CBL: variants seen among roughly 807,000 people sequenced by gnomAD.
CBL encodes Cbl proto-oncogene, also known as E3 ubiquitin-protein ligase CBL.
Under a neutral mutation model 96.9 loss-of-function variants are expected in CBL, and 45 were observed. The ratio of observed to expected loss-of-function variants is 0.46; its 90% CI spans 0.37 to 0.60. CBL has a LOEUF of 0.60. CBL is among the 20% of genes least tolerant of loss of function. The pLI is 0.00. For synonymous variants in CBL, 420 were observed against 426.8 expected (o/e 0.98, Z 0.20); for missense variants, 1,024 against 1,143.5 (o/e 0.90, Z 1.51).
intron 2 of CBL, among the ~76,000 whole-genome samples, chr11:119,248,751 T>A (rs1349586178): frequency 6.6e-6 from 1 of 152,124 alleles, no homozygotes. Context: ...TGATAAGGGA[T>A]CAACATCCAG....
intron 11 of CBL, among the ~76,000 whole-genome samples, chr11:119,286,206 A>G (rs2135311573): frequency 6.6e-6 from 1 of 152,284 alleles, no homozygotes; most frequent in Non-Finnish European, 1.5e-5. Flanking sequence ...AGGCTGAGGC[A>G]GGAGATTCAT....
chr11:119,269,502 GC>G (rs765046454), intron 2 of CBL, among the ~76,000 whole-genome samples: 2 of 151,622 alleles, frequency 1.3e-5, no homozygotes, highest in Non-Finnish European at 2.9e-5. Flanking sequence ...ACCGCACCCG[GC>G]CAAAAAAAGA....
In CBL at chr11:119,304,940, T is replaced by TA. The variant is rs951213969; in HGVS notation, c.*5167dup. The stretch of plus-strand genomic sequence containing the variant: ...GCGCCCGGCCCATACTTCGTATTCT[T>TA]AAAAAAAACTACACTCAGCCCAGCA... On this transcript the variant is annotated 3_prime_UTR_variant, in exon 16 of 16. Transcript: ENST00000264033. 6.0e-4 allele frequency: 120 copies of TA among 198,900 alleles called. No individual in the cohort carries two copies. Among genetic ancestry groups the TA allele is most frequent in the Middle Eastern group, 1.7e-3 (1 of 582 alleles). The allele number at this position is 198,900 out of a possible 1,614,324, so 12.3% of individuals were successfully genotyped here. A position where few individuals can be genotyped will look rare whatever the true frequency, so the allele number is the denominator to read the frequency against.
chr11:119,219,423 G>A (rs1949390349), intron 1 of CBL, among the ~76,000 whole-genome samples: 1 of 151,830 alleles, frequency 6.6e-6, no homozygotes, highest in Non-Finnish European at 1.5e-5. Flanking sequence ...TAGGCTTGCT[G>A]TCATACTTCA....
At chr11:119,271,673 TTGGTGC>T in intron 2 of CBL, 56 bp from the exon 3 acceptor site, 1 of 1,348,208 alleles carries the variant, frequency 7.4e-7, no homozygotes, top group Non-Finnish European at 1.1e-6. Context: ...TATGGTGAAT[TTGGTGC>T]ATTTAAAATA....
intron 14 of CBL, 117 bp downstream of exon 14, chr11:119,297,598 C>T: frequency 1.3e-6 from 1 of 766,820 alleles, no homozygotes; most frequent in Non-Finnish European, 2.3e-6. Flanking sequence ...GCTGGGACTA[C>T]AGGTACGTGC....
intron 2 of CBL, among the ~76,000 whole-genome samples, chr11:119,233,568 G>C (rs1208525985): frequency 6.6e-6 from 1 of 152,150 alleles, no homozygotes; most frequent in Non-Finnish European, 1.5e-5. Flanking sequence ...GAAACTATAG[G>C]CTATCCTGCA....
chr11:119,234,804 C>T (rs991764853), intron 2 of CBL, among the ~76,000 whole-genome samples: 2 of 152,166 alleles, frequency 1.3e-5, no homozygotes, highest in African/African-American at 4.8e-5. Flanking sequence ...TGTGCGAATA[C>T]AGTTTTGTCC....
intron 14 of CBL, 53 bp downstream of exon 14, chr11:119,297,534 C>T: frequency 7.6e-7 from 1 of 1,322,776 alleles, no homozygotes; most frequent in Non-Finnish European, 1.1e-6. Flanking sequence ...TAGGAATGAA[C>T]ATGTAATATT....
At chr11:119,207,294 G>A (rs755070244) in intron 1 of CBL, among the ~76,000 whole-genome samples, 1 of 152,196 alleles carries the variant, frequency 6.6e-6, no homozygotes, top group Non-Finnish European at 1.5e-5. Context: ...GCTGAGATAT[G>A]CACTGATTAA....
Position 119,306,666 on chromosome 11 carries a change from C to T in CBL, c.*6885C>T, listed in dbSNP as rs1477255447. 1.0e-5 allele frequency: 3 copies of T among 293,804 alleles called. No individual in the cohort carries two copies. Among genetic ancestry groups the T allele is most frequent in the Middle Eastern group, 9.1e-4 (1 of 1,096 alleles). 18.2% of individuals were successfully genotyped at this position (293,804 alleles called of 1,614,324 possible). A position where few individuals can be genotyped will look rare whatever the true frequency, so the allele number is the denominator to read the frequency against. ...GAACTACTTATGAGTCTGTAGACCA[C>T]GTGTTGTCTTCCATGGCCTGTTTCT... On this transcript the variant is annotated 3_prime_UTR_variant, in exon 16 of 16. Coordinates refer to ENST00000264033, the MANE Select transcript of CBL (RefSeq NM_005188.4).
intron 1 of CBL, among the ~76,000 whole-genome samples, chr11:119,209,934 A>C (rs1390329639): frequency 1.3e-5 from 2 of 152,212 alleles, no homozygotes; most frequent in Non-Finnish European, 2.9e-5. Flanking sequence ...AACAAAAGTT[A>C]GACAGAGCCA....
intron 1 of CBL, among the ~76,000 whole-genome samples, chr11:119,215,167 C>T (rs1592368925): frequency 6.6e-6 from 1 of 151,984 alleles, no homozygotes; most frequent in African/African-American, 2.4e-5. Flanking sequence ...TATGCTCTCT[C>T]CGTTTTGTGA....
chr11:119,207,458 C>T (rs1037714941), intron 1 of CBL, among the ~76,000 whole-genome samples: 30 of 152,328 alleles, frequency 2.0e-4, no homozygotes, highest in African/African-American at 6.3e-4. Flanking sequence ...CTCCTTATTA[C>T]AGGTCCTGAC....
At chr11:119,288,778 T>C (rs1950004046) in intron 12 of CBL, among the ~76,000 whole-genome samples, 1 of 152,114 alleles carries the variant, frequency 6.6e-6, no homozygotes, top group Admixed American at 6.6e-5. Context: ...GAGCCAAACT[T>C]GGTTGCAGTC....
chr11:119,250,097 AC>A (rs1316497092), intron 2 of CBL, among the ~76,000 whole-genome samples: 1 of 152,084 alleles, frequency 6.6e-6, no homozygotes, highest in Admixed American at 6.5e-5. Flanking sequence ...CGTTAATCTT[AC>A]CTTGTTCTAC....
At chr11:119,223,233 A>G (rs957139514) in intron 1 of CBL, among the ~76,000 whole-genome samples, 2 of 112,018 alleles carry the variant, frequency 1.8e-5, no homozygotes, top group Admixed American at 2.6e-4. Flanking sequence ...AGATCTTGCC[A>G]TCTTGCCCAG....
At position 119,273,988 on chromosome 11, in the gene CBL, G is replaced by C. The variant is rs146662327; in HGVS notation, c.711G>C (p.Ser237=). The part of the protein sequence containing the change: ...TIDLTCNDYI[S]VFEFDIFTRL... Reference sequence around the variant, plus strand: ...ATCTGACCTGCAATGATTATATTTCGGTTTTTGAATTTGACATCTTTACCC... The same window carrying C: ...ATCTGACCTGCAATGATTATATTTCCGTTTTTGAATTTGACATCTTTACCC... Residue 237 remains serine, a synonymous_variant, in exon 4 of 16, where the codon TCG becomes TCC. Coordinates refer to ENST00000264033, the MANE Select transcript of CBL (RefSeq NM_005188.4). 1 of 1,613,850 alleles carries C rather than the reference G, an allele frequency of 6.2e-7. No homozygotes were observed. Among genetic ancestry groups the C allele is most frequent in the Non-Finnish European group, 8.5e-7 (1 of 1,179,978 alleles).
At chr11:119,297,157 A>T in intron 13 of CBL, 123 bp downstream of exon 13, 1 of 781,554 alleles carries the variant, frequency 1.3e-6, no homozygotes, top group Admixed American at 1.7e-5. Context: ...AAAGATAAAG[A>T]TAAATCTAGC....
Sources: allele counts gnomAD v4.1 joint callset (sites outside exome capture counted in the v4.1 genomes callset), GRCh38; gene constraint gnomAD v4.1.1; transcripts MANE v1.5; gene names NCBI Gene and HGNC (gene_info 2026-07-23, HGNC 2026-07-21).